The following ZNF721 variants were observed in gnomAD, a reference collection of about 807,000 sequenced individuals.
ZNF721 encodes the protein zinc finger protein 721.
ZNF721 carries 2 observed loss-of-function variants against 2.4 expected under a neutral mutation model. That is an observed-to-expected ratio of 0.82 (90% CI 0.34 to 2.58). The LOEUF (loss-of-function observed/expected upper bound fraction) is 2.58. Ranked by LOEUF, ZNF721 falls within the 30% of genes most tolerant of loss-of-function variation. ZNF721 has a pLI of 0.11. For synonymous variants in ZNF721, 398 were observed against 381.8 expected, an observed-to-expected ratio of 1.04 and a Z score of -0.50; for missense variants, 1,187 against 1,085.5, an observed-to-expected ratio of 1.09 and a Z score of -1.31.
chr4:482,167 G>A (rs1233062615), intron 1 of ZNF721, among the ~76,000 whole-genome samples: 1 of 152,112 alleles, frequency 6.6e-6, no homozygotes, highest in African/African-American at 2.4e-5. Context: ...ATCTGAGGTC[G>A]ATTTTCCTTT....
At chr4:473,900 G>A in intron 1 of ZNF721, 1 of 1,453,992 alleles carries the variant, frequency 6.9e-7, no homozygotes, top group South Asian at 1.1e-5. Flanking sequence ...TCCGTTCGCA[G>A]ACTCAGTCCC....
chr4:441,552 A>G lies in ZNF721; in HGVS notation c.*143T>C, dbSNP rs782091570. ...TTTTCACATTTTAGAGTTTCTCTTC[A>G]TTATGAATTATCTTATGATTAGAAA... On this transcript the variant is annotated 3_prime_UTR_variant, in exon 3 of 3. Coordinates refer to ENST00000511833, the MANE Select transcript of ZNF721 (RefSeq NM_133474.4). 1 of 696,450 alleles carries G rather than the reference A, an allele frequency of 1.4e-6. No homozygotes were observed. Among genetic ancestry groups the G allele is most frequent in the African/African-American group, 1.8e-5 (1 of 55,834 alleles). 43.1% of individuals were successfully genotyped at this position (696,450 alleles called of 1,614,324 possible). A position where few individuals can be genotyped will look rare whatever the true frequency, so the allele number is the denominator to read the frequency against.
chr4:470,007 C>T (rs797032996), intron 2 of ZNF721, among the ~76,000 whole-genome samples: 25 of 152,254 alleles, frequency 1.6e-4, no homozygotes, highest in African/African-American at 5.1e-4. Flanking sequence ...CTCAGCCTCC[C>T]GAGTAGCTAG....
Position 443,611 on chromosome 4 carries a change from A to G in ZNF721, c.856T>C (p.Phe286Leu), listed in dbSNP as rs782139734. The change falls in exon 3 of 3, where the codon TTT becomes CTT. Residue 286 changes from phenylalanine (F) to leucine (L), a missense_variant. Phe to Leu is a conservative substitution (Grantham distance 22). Coordinates refer to ENST00000511833, the MANE Select transcript of ZNF721 (RefSeq NM_133474.4). ...TTAGTAAGGGTTGTGGAAATATTAAAGGCTTTACCACATTCTAAACATTTA... is the reference window on the plus strand; with the variant it reads ...TTAGTAAGGGTTGTGGAAATATTAAGGGCTTTACCACATTCTAAACATTTA... Reference protein sequence around the residue: ...PFKCLECGKAFNISTTLTKHR... With the variant: ...PFKCLECGKALNISTTLTKHR... 1 of 1,613,984 alleles carries G rather than the reference A, an allele frequency of 6.2e-7. No homozygotes were observed. Among genetic ancestry groups the G allele is most frequent in the Admixed American group, 1.7e-5 (1 of 60,014 alleles).
chr4:490,258 C>T lies in ZNF721; in HGVS notation c.-94+8798G>A, dbSNP rs1268845689. Among the ~76,000 whole-genome samples, 8 of 151,862 alleles carry T rather than the reference C, an allele frequency of 5.3e-5. No individual in the cohort carries two copies. The South Asian group carries it at 6.3e-4, about 12-fold the overall frequency. On this transcript the variant is annotated intron_variant, in intron 1 of 2. Coordinates refer to ENST00000511833, the MANE Select transcript of ZNF721 (RefSeq NM_133474.4). ...TTGGGAGGCTGAGGCGGGCAGATCA[C>T]GAGGTGAGGAGATCGAGACCATCCT...
At chr4:484,000 C>A (rs1358853655) in intron 1 of ZNF721, among the ~76,000 whole-genome samples, 5 of 152,046 alleles carry the variant, frequency 3.3e-5, no homozygotes, top group Non-Finnish European at 4.4e-5. Flanking sequence ...TTAGTAGAGA[C>A]GGGGTTTCAC....
intron 2 of ZNF721, among the ~76,000 whole-genome samples, chr4:452,652 T>C (rs185530785): frequency 6.6e-6 from 1 of 152,294 alleles, no homozygotes; most frequent in Admixed American, 6.5e-5. Flanking sequence ...ATTGGAGTCT[T>C]AGGCAGAAAC....
Position 442,170 on chromosome 4 carries a change from G to C in ZNF721, c.2297C>G (p.Ser766Ter). 1 of 1,612,824 alleles carries C rather than the reference G, an allele frequency of 6.2e-7. No homozygotes were observed. Among genetic ancestry groups the C allele is most frequent in the Non-Finnish European group, 8.5e-7 (1 of 1,179,146 alleles). ...KECGKVFKQS[S>*]HLNRHEKIHT... ...AATTTTCTCATGTCTATTCAGGTGT[G>C]AGGACTGTTTAAACACTTTCCCACA... Residue 766 changes from serine to a stop codon, truncating the protein, a stop_gained, in exon 3 of 3, where the codon TCA (serine) becomes TGA (stop). Coordinates refer to ENST00000511833, the MANE Select transcript of ZNF721 (RefSeq NM_133474.4). LOFTEE classifies it low-confidence loss of function (END_TRUNC).
At chr4:471,526 T>C (rs1184461787) in intron 2 of ZNF721, among the ~76,000 whole-genome samples, 2 of 152,108 alleles carry the variant, frequency 1.3e-5, no homozygotes, top group Admixed American at 6.6e-5. Context: ...AAGCAGAAAG[T>C]AGAATGGCGA....
rs71166812 is a variant in ZNF721, at chr4:450,956, AATATATATATATATATAT to A, written c.35-6542_35-6525del. On this transcript the variant is annotated intron_variant, in intron 2 of 2. Coordinates refer to ENST00000511833, the MANE Select transcript of ZNF721 (RefSeq NM_133474.4). Reference sequence around the variant, plus strand: ...TGTCTCCAAAAAAAAAAAAAAAAAAAATATATATATATATATATATATATATATATATATATATATCCC... The same window carrying A: ...TGTCTCCAAAAAAAAAAAAAAAAAAAATATATATATATATATATATATCCC... Among the ~76,000 whole-genome samples, 18 of 63,758 alleles carry A rather than the reference AATATATATATATATATAT, an allele frequency of 2.8e-4. 2 individuals carry two copies. The highest frequency in any genetic ancestry group is 0.022 in the Middle Eastern group (2 of 90). 41.8% of individuals were successfully genotyped at this position (63,758 alleles called of 152,430 possible).
chr4:465,038 T>C (rs1246833990), intron 2 of ZNF721, among the ~76,000 whole-genome samples: 1 of 148,022 alleles, frequency 6.8e-6, no homozygotes, highest in Non-Finnish European at 1.5e-5. Context: ...TGAGCCAAGA[T>C]CGTGCCACTG....
intron 2 of ZNF721, among the ~76,000 whole-genome samples, chr4:469,687 G>T (rs1715371592): frequency 6.6e-6 from 1 of 152,166 alleles, no homozygotes; most frequent in Non-Finnish European, 1.5e-5. Context: ...TGTAAAGGTT[G>T]TAGTAAGCAA....
chr4:442,698 C>T lies in ZNF721; in HGVS notation c.1769G>A (p.Cys590Tyr), dbSNP rs951916253. ...TGTGTACCGTCCAAAGGCTTTGCCA[C>T]ACTCTTCACATTTGTAAGGTTTCTC... Reference protein sequence around the residue: ...TGEKPYKCEECGKAFGRYTDL... With the variant: ...TGEKPYKCEEYGKAFGRYTDL... Residue 590 changes from cysteine (C) to tyrosine (Y), a missense_variant, in exon 3 of 3, where the codon TGT (cysteine) becomes TAT (tyrosine). Physicochemically the swap from Cys to Tyr is radical, Grantham distance 194. Transcript: ENST00000511833. 69 of 1,614,226 alleles carry T rather than the reference C, an allele frequency of 4.3e-5. No individual in the cohort carries two copies. The highest frequency in any genetic ancestry group is 5.3e-5 in the Non-Finnish European group (62 of 1,180,034).
intron 1 of ZNF721, among the ~76,000 whole-genome samples, chr4:476,198 C>A (rs1361858578): frequency 1.3e-5 from 2 of 152,190 alleles, no homozygotes; most frequent in Non-Finnish European, 2.9e-5. Context: ...GTCTTTCATT[C>A]CTTCCAGAAA....
chr4:466,656 GGATGA>G (rs1437890975), intron 2 of ZNF721, among the ~76,000 whole-genome samples: 1 of 152,096 alleles, frequency 6.6e-6, no homozygotes, highest in Non-Finnish European at 1.5e-5. Flanking sequence ...AAACTGCGAT[GGATGA>G]GATATCAAAA....
At chr4:474,125 AG>A (rs2108713909) in intron 1 of ZNF721, 2 of 1,061,338 alleles carry the variant, frequency 1.9e-6, no homozygotes, top group Non-Finnish European at 2.6e-6. Context: ...GCCCTAACCG[AG>A]CTCAGGCTGA....
chr4:442,598 TAC>T lies in ZNF721; in HGVS notation c.1867_1868del (p.Val623MetfsTer21). On this transcript the variant is annotated frameshift_variant, in exon 3 of 3. Coordinates refer to ENST00000511833, the MANE Select transcript of ZNF721 (RefSeq NM_133474.4). LOFTEE classifies it low-confidence loss of function (END_TRUNC). ...TCTGTTGATTCAGGTCCGTGTACCATACAAAGTCTTTGCCACACTCTTCACAT... is the reference window on the plus strand; with the variant it reads ...TCTGTTGATTCAGGTCCGTGTACCATAAAGTCTTTGCCACACTCTTCACAT... Reference protein sequence around the residue: ...YKCEECGKDFVWYTDLNQQKK... With the variant: ...YKCEECGKDFXWYTDLNQQKK... 6.2e-7 allele frequency: 1 copy of T among 1,613,578 alleles called. No homozygotes were observed. The highest frequency in any genetic ancestry group is 8.5e-7 in the Non-Finnish European group (1 of 1,179,796).
intron 1 of ZNF721, among the ~76,000 whole-genome samples, chr4:482,698 T>C (rs1560242303): frequency 6.6e-6 from 1 of 151,744 alleles, no homozygotes; most frequent in Non-Finnish European, 1.5e-5. Context: ...GGTTTCACCA[T>C]GTTGGCCAGG....
At chr4:492,423 A>C (rs577407116) in intron 1 of ZNF721, among the ~76,000 whole-genome samples, 5 of 152,308 alleles carry the variant, frequency 3.3e-5, no homozygotes, top group Admixed American at 3.3e-4. Context: ...GATGCAATAA[A>C]AGCTGAACTT....
Sources: gnomAD v4.1 joint callset for allele counts (sites outside exome capture counted in the v4.1 genomes callset) on GRCh38, gnomAD v4.1.1 for gene constraint, MANE v1.5 for transcripts, NCBI Gene and HGNC (gene_info 2026-07-23, HGNC 2026-07-21) for gene names.